The following PLXNA4 variants were observed in gnomAD, a reference collection of about 807,000 sequenced individuals.
PLXNA4 encodes plexin A4.
In PLXNA4, 44 loss-of-function variants were observed where a neutral mutation model predicts 191.8. The observed-to-expected ratio is 0.23, with a 90% CI of 0.18 to 0.29. The LOEUF (loss-of-function observed/expected upper bound fraction) is 0.29. Among genes scored for constraint, PLXNA4 ranks in the 10% least tolerant of loss-of-function variants. The pLI, the probability that PLXNA4 is intolerant of heterozygous loss-of-function variation, is 1.00. For missense variants in PLXNA4, 1,800 were observed against 2,488.8 expected, an observed-to-expected ratio of 0.72 and a Z score of 5.89; for synonymous variants, 1,082 against 1,009.5, an observed-to-expected ratio of 1.07 and a Z score of -1.36.
rs577660956 is a variant in PLXNA4, at chr7:132,504,388, G to T, written c.1188+3118C>A. Among the ~76,000 whole-genome samples the T allele has an allele frequency of 5.3e-5, 8 of 152,308 alleles. No individual in the cohort carries two copies. In the South Asian group the frequency reaches 1.7e-3, roughly 32 times the overall value. ...CTTGTGAAGGAGGCAGGTGGCCCAG[G>T]AGTTTTGCGGATCCCGGCTCTGAGT... is the stretch of plus-strand genomic sequence containing the variant. On this transcript the variant is annotated intron_variant, in intron 2 of 31. Coordinates refer to ENST00000321063, the MANE Select transcript of PLXNA4 (RefSeq NM_020911.2).
At chr7:132,331,621 G>A (rs553367377) in intron 3 of PLXNA4, among the ~76,000 whole-genome samples, 1 of 152,332 alleles carries the variant, frequency 6.6e-6, no homozygotes, top group South Asian at 2.1e-4. Context: ...CTCAGCCATT[G>A]CATGTAATAA....
intron 2 of PLXNA4, among the ~76,000 whole-genome samples, chr7:132,589,419 T>A (rs1281016189): frequency 6.6e-6 from 1 of 152,194 alleles, no homozygotes; most frequent in East Asian, 1.9e-4. Flanking sequence ...TTATATATGT[T>A]CTTCTAAGTT....
At chr7:132,583,076 G>T (rs1802435919) in intron 2 of PLXNA4, among the ~76,000 whole-genome samples, 1 of 152,148 alleles carries the variant, frequency 6.6e-6, no homozygotes, top group Non-Finnish European at 1.5e-5. Context: ...ACTTAAGATG[G>T]GCCATCGTCA....
intron 4 of PLXNA4, among the ~76,000 whole-genome samples, chr7:132,241,821 T>G (rs1457349672): frequency 2.0e-5 from 3 of 151,984 alleles, no homozygotes; most frequent in Non-Finnish European, 4.4e-5. Context: ...CTATTTCTCC[T>G]CCTACCCACA....
intron 1 of PLXNA4, among the ~76,000 whole-genome samples, chr7:132,565,120 G>A (rs529536516): frequency 1.3e-5 from 2 of 152,252 alleles, no homozygotes; most frequent in South Asian, 4.1e-4. Flanking sequence ...CTTTCACCTT[G>A]TGTGTAAATA....
At chr7:132,516,570 G>A (rs1336379038) in intron 1 of PLXNA4, among the ~76,000 whole-genome samples, 2 of 152,206 alleles carry the variant, frequency 1.3e-5, no homozygotes, top group East Asian at 3.9e-4. Flanking sequence ...AAGTCAGCAT[G>A]CACTCCTGTA....
At chr7:132,158,247 T>A (rs1469081487) in intron 25 of PLXNA4, among the ~76,000 whole-genome samples, 1 of 152,214 alleles carries the variant, frequency 6.6e-6, no homozygotes, top group Non-Finnish European at 1.5e-5. Context: ...GACATCAGAA[T>A]TCAGAGGGAG....
Position 132,228,366 on chromosome 7 carries a change from C to T in PLXNA4, c.1708G>A (p.Val570Ile), listed in dbSNP as rs752672355. 23 of 1,614,078 alleles carry T rather than the reference C, an allele frequency of 1.4e-5. No homozygotes were observed. The South Asian group carries it at 2.0e-4, about 14-fold the overall frequency. Residue 570 changes from valine (V) to isoleucine (I), a missense_variant, in exon 6 of 32, where the codon GTC becomes ATC. Coordinates refer to ENST00000321063, the MANE Select transcript of PLXNA4 (RefSeq NM_020911.2). ...CTTACCAGCACGTTGTACTGAGAGA[C>T]GGAGATATTGTTGGGATGGACCGTC... ...RLTVHPNNIS[V>I]SQYNVLLVLE...
rs181841905 is a variant in PLXNA4, at chr7:132,513,059, C to A, written c.-86-4280G>T. On this transcript the variant is annotated intron_variant, in intron 1 of 31. Transcript: ENST00000321063. Reference sequence around the variant, plus strand: ...CCAACTCAAACATGCTACAGTTTTCCCTTCTTTGAAATCAGATTTTAATTT... The same window carrying A: ...CCAACTCAAACATGCTACAGTTTTCACTTCTTTGAAATCAGATTTTAATTT... Among the ~76,000 whole-genome samples the A allele has an allele frequency of 5.1e-3, 780 of 152,310 alleles. 5 individuals are homozygous for A. Among genetic ancestry groups the A allele is most frequent in the African/African-American group, 0.018 (751 of 41,568 alleles).
At chr7:132,525,346 C>T (rs1464820919) in intron 1 of PLXNA4, among the ~76,000 whole-genome samples, 2 of 152,174 alleles carry the variant, frequency 1.3e-5, no homozygotes, top group African/African-American at 4.8e-5. Flanking sequence ...AACACTTGGA[C>T]TCAAACAATC....
chr7:132,551,796 C>T (rs1489951715), intron 1 of PLXNA4, among the ~76,000 whole-genome samples: 1 of 152,224 alleles, frequency 6.6e-6, no homozygotes, highest in Non-Finnish European at 1.5e-5. Context: ...CAAAACTAAT[C>T]CTCTTCACAC....
intron 21 of PLXNA4, among the ~76,000 whole-genome samples, chr7:132,170,544 C>T (rs1382511692): frequency 1.3e-5 from 2 of 152,340 alleles, no homozygotes; most frequent in Non-Finnish European, 2.9e-5. Flanking sequence ...TAACCAAAGT[C>T]GCAGAGGGTG....
intron 1 of PLXNA4, among the ~76,000 whole-genome samples, chr7:132,567,201 G>T (rs1312599388): frequency 6.6e-6 from 1 of 152,182 alleles, no homozygotes; most frequent in Non-Finnish European, 1.5e-5. Context: ...AAGAGAGGAT[G>T]CTTGCAAAAC....
At chr7:132,365,360 T>TGTGTGTGTGCGC in intron 3 of PLXNA4, among the ~76,000 whole-genome samples, 141 of 128,818 alleles carry the variant, frequency 1.1e-3, no homozygotes, top group African/African-American at 3.8e-3. Flanking sequence ...TGTGTGTGTG[T>TGTGTGTGTGCGC]GCGTGCGCGC....
chr7:132,599,495 C>G (rs1367950918), intron 2 of PLXNA4, among the ~76,000 whole-genome samples: 1 of 152,074 alleles, frequency 6.6e-6, no homozygotes, highest in Non-Finnish European at 1.5e-5. Context: ...GAGAATAACA[C>G]TCTATTTTTA....
In PLXNA4 at chr7:132,128,161, T is replaced by G. The variant is rs1794829153; in HGVS notation, c.*2318A>C. 1 of 152,182 alleles carries G rather than the reference T, an allele frequency of 6.6e-6. No homozygotes were observed. Among genetic ancestry groups the G allele is most frequent in the South Asian group, 2.1e-4 (1 of 4,834 alleles). The allele number at this position is 152,182 out of a possible 1,614,324, so 9.4% of individuals were successfully genotyped here. On this transcript the variant is annotated 3_prime_UTR_variant, in exon 32 of 32. Transcript: ENST00000321063. ...GTACTTCCTCAGACCGTCTCCCACA[T>G]GTACCCTTTCTGGCCTTCCAGGTCC...
At chr7:132,208,171 T>C (rs947297026) in intron 10 of PLXNA4, among the ~76,000 whole-genome samples, 4 of 152,234 alleles carry the variant, frequency 2.6e-5, no homozygotes, top group African/African-American at 9.6e-5. Context: ...GCATTTAAAC[T>C]GGGATTCCAC....
intron 4 of PLXNA4, among the ~76,000 whole-genome samples, chr7:132,243,793 A>G (rs1415132778): frequency 6.6e-6 from 1 of 151,588 alleles, no homozygotes; most frequent in Admixed American, 6.6e-5. Flanking sequence ...TAATATCCCA[A>G]TCCTCCTTGT....
At chr7:132,618,629 A>T (rs969326790) in intron 2 of PLXNA4, among the ~76,000 whole-genome samples, 1 of 152,214 alleles carries the variant, frequency 6.6e-6, no homozygotes, top group Non-Finnish European at 1.5e-5. Context: ...CAGGCCAGAC[A>T]ACTGCTTTGG....
Sources: allele counts gnomAD v4.1 joint callset (sites outside exome capture counted in the v4.1 genomes callset), GRCh38; gene constraint gnomAD v4.1.1; transcripts MANE v1.5; gene names NCBI Gene and HGNC (gene_info 2026-07-23, HGNC 2026-07-21).